Variants in GPR39 observed in about 807,000 individuals in gnomAD.
GPR39 encodes the protein zinc sensing receptor.
A neutral mutation model predicts 18.4 loss-of-function variants in GPR39; 23 were observed. The observed-to-expected ratio is 1.25, with a 90% CI of 0.90 to 1.77. The LOEUF is 1.77. Among genes scored for constraint, GPR39 ranks in the 40% most tolerant of loss-of-function variants. The probability of loss-of-function intolerance (pLI) is 0.00; values close to 1 mark genes in which losing one functional copy is unlikely to be tolerated. For missense variants in GPR39, 647 were observed against 602.4 expected (o/e 1.07, Z -0.78); for synonymous variants, 280 against 257.9 (o/e 1.09, Z -0.82).
rs768190136 is a variant in GPR39, at chr2:132,417,001, G to C, written c.-42G>C. On this transcript the variant is annotated 5_prime_UTR_variant, in exon 1 of 2. Transcript: ENST00000329321. Reference sequence around the variant, plus strand: ...GACGCTGCTGGGAGGAGAAAGGGAAGTTGAGAAAGTCTTTGGACCTGGTAG... The same window carrying C: ...GACGCTGCTGGGAGGAGAAAGGGAACTTGAGAAAGTCTTTGGACCTGGTAG... 55 of 1,592,056 alleles carry C rather than the reference G, an allele frequency of 3.5e-5. No individual in the cohort carries two copies. Among genetic ancestry groups the C allele is most frequent in the Non-Finnish European group, 4.6e-5 (54 of 1,167,886 alleles).
At chr2:132,598,072 C>T (rs561522526) in intron 1 of GPR39, among the ~76,000 whole-genome samples, 10 of 152,224 alleles carry the variant, frequency 6.6e-5, no homozygotes, top group Non-Finnish European at 1.2e-4. Context: ...ACAGAAAATG[C>T]AGGGCTGGCT....
At chr2:132,447,388 G>T (rs993109689) in intron 1 of GPR39, among the ~76,000 whole-genome samples, 1 of 152,178 alleles carries the variant, frequency 6.6e-6, no homozygotes, top group African/African-American at 2.4e-5. Flanking sequence ...GGGGCGCTTT[G>T]TTGCTGACAT....
intron 1 of GPR39, among the ~76,000 whole-genome samples, chr2:132,549,931 C>T (rs1680013518): frequency 6.6e-6 from 1 of 152,176 alleles, no homozygotes; most frequent in Admixed American, 6.5e-5. Flanking sequence ...TCATAAACAA[C>T]CTATTAAATA....
intron 1 of GPR39, among the ~76,000 whole-genome samples, chr2:132,619,266 C>A (rs1681392722): frequency 6.6e-6 from 1 of 152,204 alleles, no homozygotes; most frequent in Non-Finnish European, 1.5e-5. Flanking sequence ...ATGATCACAG[C>A]AATTTGAGGC....
chr2:132,484,449 C>A (rs189441024), intron 1 of GPR39, among the ~76,000 whole-genome samples: 39 of 152,224 alleles, frequency 2.6e-4, no homozygotes, highest in Non-Finnish European at 5.1e-4. Context: ...ATGTTGTGAC[C>A]CCATGCAGGC....
At chr2:132,444,463 T>A (rs1450346692) in intron 1 of GPR39, among the ~76,000 whole-genome samples, 1 of 152,140 alleles carries the variant, frequency 6.6e-6, no homozygotes, top group African/African-American at 2.4e-5. Context: ...TGACTTTTAT[T>A]TTTTGTAGAG....
intron 1 of GPR39, among the ~76,000 whole-genome samples, chr2:132,427,314 C>T (rs1680143682): frequency 6.7e-6 from 1 of 148,174 alleles, no homozygotes; most frequent in Non-Finnish European, 1.5e-5. Context: ...CAGGCGCCTG[C>T]CACCACACCT....
chr2:132,508,681 C>T (rs1679180877), intron 1 of GPR39, among the ~76,000 whole-genome samples: 1 of 152,192 alleles, frequency 6.6e-6, no homozygotes, highest in Non-Finnish European at 1.5e-5. Context: ...CCGTTTAAAG[C>T]AGTTAGCAGT....
Position 132,645,316 on chromosome 2 carries a change from G to T in GPR39, c.1072G>T (p.Val358Leu), listed in dbSNP as rs951535445. 5.0e-6 allele frequency: 8 copies of T among 1,614,090 alleles called. No individual in the cohort carries two copies. In the African/African-American group the frequency reaches 1.1e-4, roughly 22 times the overall value. The change falls in exon 2 of 2, where the codon GTG becomes TTG. Residue 358 changes from valine to leucine, a missense_variant. Physicochemically the swap from Val to Leu is conservative, Grantham distance 32 (BLOSUM62 1). Coordinates refer to ENST00000329321, the MANE Select transcript of GPR39 (RefSeq NM_001508.3). The stretch of plus-strand genomic sequence containing the variant: ...GCAGTTTCGGCGGGTGTTCGTGCAG[G>T]TGCTGTGCTGCCGCCTGTCGCTGCA... ...SQQFRRVFVQ[V>L]LCCRLSLQHA... is the part of the protein sequence containing the mutation.
At chr2:132,605,219 T>A (rs1486446119) in intron 1 of GPR39, among the ~76,000 whole-genome samples, 1 of 151,880 alleles carries the variant, frequency 6.6e-6, no homozygotes, top group African/African-American at 2.4e-5. Flanking sequence ...TGCAAGTTGA[T>A]CATGACAAAG....
chr2:132,626,629 C>G (rs1250757326), intron 1 of GPR39, among the ~76,000 whole-genome samples: 3 of 152,076 alleles, frequency 2.0e-5, no homozygotes, highest in African/African-American at 7.2e-5. Context: ...AAGTAAACTC[C>G]TTTGTGATGT....
In GPR39 at chr2:132,506,085, G is replaced by A. The variant is rs1242882337; in HGVS notation, c.856+88187G>A. On this transcript the variant is annotated intron_variant, in intron 1 of 1. Transcript: ENST00000329321. ...GTTATTTTTTGTCTTTTTAATAATAGCCATTTTAACTAGAGTAAGATGATA... is the reference window on the plus strand; with the variant it reads ...GTTATTTTTTGTCTTTTTAATAATAACCATTTTAACTAGAGTAAGATGATA... Among the ~76,000 whole-genome samples, 8 of 152,028 alleles carry A rather than the reference G, an allele frequency of 5.3e-5. No individual in the cohort carries two copies. In the South Asian group the frequency reaches 1.5e-3, roughly 28 times the overall value.
intron 1 of GPR39, among the ~76,000 whole-genome samples, chr2:132,589,255 A>T (rs1680785957): frequency 6.6e-6 from 1 of 152,050 alleles, no homozygotes. Flanking sequence ...GTTACTAAGC[A>T]GTTACCTGGC....
intron 1 of GPR39, among the ~76,000 whole-genome samples, chr2:132,492,354 C>G (rs191985910): frequency 8.8e-4 from 115 of 130,238 alleles, no homozygotes; most frequent in African/African-American, 3.1e-3. Flanking sequence ...ATATACATAC[C>G]ATATATATAC....
intron 1 of GPR39, among the ~76,000 whole-genome samples, chr2:132,536,104 C>T (rs1679754365): frequency 6.7e-6 from 1 of 149,442 alleles, no homozygotes; most frequent in East Asian, 2.0e-4. Context: ...TATTTCTTGT[C>T]TTCTGCTAGC....
At position 132,646,558 on chromosome 2, in the gene GPR39, TATTTACATTTTAAGTC is replaced by T. The variant is rs1682095800; in HGVS notation, c.*954_*969del. 1 of 327,714 alleles carries T rather than the reference TATTTACATTTTAAGTC, an allele frequency of 3.1e-6. No individual in the cohort carries two copies. The highest frequency in any genetic ancestry group is 4.9e-5 in the Admixed American group (1 of 20,518). The allele number at this position is 327,714 out of a possible 1,614,324, so 20.3% of individuals were successfully genotyped here. A position where few individuals can be genotyped will look rare whatever the true frequency, so the allele number is the denominator to read the frequency against. On this transcript the variant is annotated 3_prime_UTR_variant, in exon 2 of 2. Transcript: ENST00000329321. ...TTAATAAAGAGCTGTTAAATAGACT[TATTTACATTTTAAGTC>T]AGAGTTCACACTGTGTACAAGACAC...
intron 1 of GPR39, among the ~76,000 whole-genome samples, chr2:132,478,662 T>C (rs1056220044): frequency 7.9e-5 from 12 of 152,216 alleles, no homozygotes; most frequent in African/African-American, 2.9e-4. Flanking sequence ...AAATGTATTC[T>C]TGTGAATTCT....
intron 1 of GPR39, among the ~76,000 whole-genome samples, chr2:132,517,672 A>G (rs1365021866): frequency 6.6e-6 from 1 of 152,220 alleles, no homozygotes. Context: ...TTGATCGCCA[A>G]ATTTGTGAAC....
intron 1 of GPR39, among the ~76,000 whole-genome samples, chr2:132,580,960 C>CAAAAAAAAAAAACAA (rs1680611181): frequency 3.6e-5 from 2 of 55,176 alleles, no homozygotes; most frequent in African/African-American, 5.6e-5. Context: ...GACTCTGTCT[C>CAAAAAAAAAAAACAA]AAAAAAAAAA....
Sources: allele counts gnomAD v4.1 joint callset (sites outside exome capture counted in the v4.1 genomes callset), GRCh38; gene constraint gnomAD v4.1.1; transcripts MANE v1.5; gene names NCBI Gene and HGNC (gene_info 2026-07-23, HGNC 2026-07-21).